The following ATP8A2 variants were observed in gnomAD, a reference collection of about 807,000 sequenced individuals.
The protein encoded by ATP8A2 is phospholipid-transporting ATPase IB.
In ATP8A2, 100 loss-of-function variants were observed where a neutral mutation model predicts 165.6. The ratio of observed to expected loss-of-function variants is 0.60; its 90% CI spans 0.51 to 0.71. The LOEUF (loss-of-function observed/expected upper bound fraction) is 0.71. Ranked by LOEUF, ATP8A2 falls within the 30% of genes least tolerant of loss-of-function variation. The probability of loss-of-function intolerance (pLI) is 0.00; values close to 1 mark genes in which losing one functional copy is unlikely to be tolerated. For synonymous variants in ATP8A2, 543 were observed against 548.8 expected (o/e 0.99, Z 0.15); for missense variants, 1,227 against 1,479.5 (o/e 0.83, Z 2.80).
At chr13:25,417,782 C>G (rs1181717212) in intron 1 of ATP8A2, among the ~76,000 whole-genome samples, 1 of 152,192 alleles carries the variant, frequency 6.6e-6, no homozygotes, top group Non-Finnish European at 1.5e-5. Context: ...GTGTCTGCCT[C>G]AGCAGGGATG....
intron 1 of ATP8A2, among the ~76,000 whole-genome samples, chr13:25,373,937 G>T (rs1484485602): frequency 6.6e-6 from 1 of 152,172 alleles, no homozygotes; most frequent in African/African-American, 2.4e-5. Context: ...GCACTTGCTT[G>T]GATGTTCTGC....
chr13:25,625,427 T>C (rs1333438689), intron 24 of ATP8A2, among the ~76,000 whole-genome samples: 3 of 152,214 alleles, frequency 2.0e-5, no homozygotes, highest in South Asian at 2.1e-4. Flanking sequence ...AGTGCTACTA[T>C]AGTGATTGAA....
chr13:25,535,953 G>A (rs1266975671), intron 6 of ATP8A2, among the ~76,000 whole-genome samples: 1 of 151,832 alleles, frequency 6.6e-6, no homozygotes, highest in African/African-American at 2.4e-5. Context: ...ATGAGAGAAA[G>A]CCATAATTTC....
At chr13:25,699,596 A>G (rs183161805) in intron 25 of ATP8A2, among the ~76,000 whole-genome samples, 1 of 152,370 alleles carries the variant, frequency 6.6e-6, no homozygotes, top group East Asian at 1.9e-4. Context: ...TTCCAGTCAC[A>G]TTCACCATGG....
intron 16 of ATP8A2, among the ~76,000 whole-genome samples, chr13:25,565,762 T>A (rs2039295019): frequency 1.0e-5 from 1 of 96,724 alleles, no homozygotes; most frequent in South Asian, 2.8e-4. Context: ...TCTTTGTTTT[T>A]ATCACATTTT....
chr13:25,410,609 C>A (rs987754339), intron 1 of ATP8A2, among the ~76,000 whole-genome samples: 6 of 152,198 alleles, frequency 3.9e-5, no homozygotes, highest in Admixed American at 2.0e-4. Flanking sequence ...GAGCAAGGCC[C>A]TGCGTAAGGG....
intron 1 of ATP8A2, among the ~76,000 whole-genome samples, chr13:25,465,737 T>C (rs867227971): frequency 0.17 from 919 of 5,438 alleles, 154 homozygotes; most frequent in Middle Eastern, 0.25. Context: ...CTTTCTTTCT[T>C]TCCCTCCCTC....
intron 24 of ATP8A2, among the ~76,000 whole-genome samples, chr13:25,653,266 CA>C (rs2041855535): frequency 6.6e-6 from 1 of 152,156 alleles, no homozygotes; most frequent in Non-Finnish European, 1.5e-5. Flanking sequence ...GGATACTATG[CA>C]GTCATAAAAA....
chr13:25,671,998 C>T (rs2042274839), intron 24 of ATP8A2, among the ~76,000 whole-genome samples: 1 of 152,138 alleles, frequency 6.6e-6, no homozygotes, highest in African/African-American at 2.4e-5. Context: ...GTACTCTGTC[C>T]CTTTATTTCT....
intron 1 of ATP8A2, among the ~76,000 whole-genome samples, chr13:25,429,529 G>A (rs1239155717): frequency 1.3e-5 from 2 of 149,236 alleles, no homozygotes; most frequent in Non-Finnish European, 3.0e-5. Flanking sequence ...TCTTCATGCT[G>A]CAGTCATTTG....
intron 24 of ATP8A2, among the ~76,000 whole-genome samples, chr13:25,690,798 C>T (rs528462695): frequency 1.3e-5 from 2 of 152,230 alleles, no homozygotes; most frequent in South Asian, 4.1e-4. Context: ...TGCACTTGCT[C>T]TGTTTGTGCC....
intron 24 of ATP8A2, among the ~76,000 whole-genome samples, chr13:25,637,215 A>G (rs1157517445): frequency 6.6e-6 from 1 of 151,934 alleles, no homozygotes; most frequent in African/African-American, 2.4e-5. Context: ...TGCATTTCCA[A>G]CTGAGGTACT....
intron 1 of ATP8A2, among the ~76,000 whole-genome samples, chr13:25,442,083 T>A (rs929583969): frequency 1.3e-5 from 2 of 152,226 alleles, no homozygotes; most frequent in Admixed American, 1.3e-4. Context: ...TCCTTTAAGG[T>A]TGAATAATGT....
intron 25 of ATP8A2, among the ~76,000 whole-genome samples, chr13:25,731,276 AAAAGAAAG>A: frequency 6.7e-6 from 1 of 148,282 alleles, no homozygotes; most frequent in East Asian, 2.0e-4. Context: ...GGGAGGAAGA[AAAAGAAAG>A]AAAGAGAGAG....
intron 30 of ATP8A2, among the ~76,000 whole-genome samples, chr13:25,848,753 G>A (rs1032065277): frequency 2.6e-5 from 4 of 152,104 alleles, no homozygotes; most frequent in African/African-American, 9.6e-5. Context: ...AGCAACCTCC[G>A]ATACTTTATA....
chr13:25,952,234 C>T (rs1955386549), intron 33 of ATP8A2, among the ~76,000 whole-genome samples: 1 of 152,134 alleles, frequency 6.6e-6, no homozygotes, highest in South Asian at 2.1e-4. Flanking sequence ...ACACCAAGCT[C>T]TAGGCATTTC....
intron 33 of ATP8A2, among the ~76,000 whole-genome samples, chr13:25,866,956 C>G (rs1002274440): frequency 6.6e-6 from 1 of 152,136 alleles, no homozygotes; most frequent in East Asian, 1.9e-4. Flanking sequence ...AATTACACCA[C>G]GAGACATGAA....
At chr13:25,938,087 C>T (rs764042513) in intron 33 of ATP8A2, among the ~76,000 whole-genome samples, 6 of 150,632 alleles carry the variant, frequency 4.0e-5, no homozygotes, top group Non-Finnish European at 8.8e-5. Context: ...TATATTGGAA[C>T]GGGAAATGTA....
At chr13:25,408,300 G>A (rs1292730615) in intron 1 of ATP8A2, among the ~76,000 whole-genome samples, 1 of 152,088 alleles carries the variant, frequency 6.6e-6, no homozygotes, top group Non-Finnish European at 1.5e-5. Flanking sequence ...GGCTGAGGCA[G>A]GGGGTTTGCT....
Sources: gnomAD v4.1 joint callset for allele counts (sites outside exome capture counted in the v4.1 genomes callset) on GRCh38, gnomAD v4.1.1 for gene constraint, MANE v1.5 for transcripts, NCBI Gene and HGNC (gene_info 2026-07-23, HGNC 2026-07-21) for gene names.